The following MAST4 variants were observed in gnomAD, a reference collection of about 807,000 sequenced individuals.
MAST4 encodes microtubule-associated serine/threonine-protein kinase 4.
Under a neutral mutation model 162.7 loss-of-function variants are expected in MAST4, and 89 were observed. That is an observed-to-expected ratio of 0.55 (90% CI 0.46 to 0.65). The LOEUF (loss-of-function observed/expected upper bound fraction) is 0.65, where lower values mean the gene tolerates loss of function less well. Among genes scored for constraint, MAST4 ranks in the 30% least tolerant of loss-of-function variants. MAST4 has a pLI of 0.00. For missense variants in MAST4, 3,153 were observed against 3,374.0 expected (o/e 0.93, Z 1.62); for synonymous variants, 1,479 against 1,361.1 (o/e 1.09, Z -1.91).
intron 1 of MAST4, among the ~76,000 whole-genome samples, chr5:66,628,592 T>A (rs1744599485): frequency 6.6e-6 from 1 of 152,100 alleles, no homozygotes; most frequent in African/African-American, 2.4e-5. Context: ...TTATTTTTTT[T>A]ACCTTCAATC....
Position 67,152,637 on chromosome 5 carries a change from A to G in MAST4, c.3296A>G (p.Asp1099Gly), listed in dbSNP as rs1771973534. 1.9e-6 allele frequency: 3 copies of G among 1,613,208 alleles called. No homozygotes were observed. Among genetic ancestry groups the G allele is most frequent in the African/African-American group, 1.3e-5 (1 of 74,868 alleles). Reference sequence around the variant, plus strand: ...TTGATGACTGGCTTCTTTGTTACAGATATGTTTGCTGTTTCCCCTCTGGGA... The same window carrying G: ...TTGATGACTGGCTTCTTTGTTACAGGTATGTTTGCTGTTTCCCCTCTGGGA... ...ASALSLMIPG[D>G]MFAVSPLGSP... Residue 1099 changes from aspartate to glycine, a missense_variant and splice_region_variant, in exon 25 of 29, where the codon GAT (aspartate) becomes GGT (glycine). By Grantham distance (94) the Asp-to-Gly change is moderately conservative (BLOSUM62 -1). Around this residue, in one of 7 missense-constraint regions of MAST4, gnomAD observed 619 missense variants for 744.2 expected, o/e 0.83. Transcript: ENST00000403625.
chr5:66,972,134 C>G (rs1287767615), intron 4 of MAST4, among the ~76,000 whole-genome samples: 1 of 152,190 alleles, frequency 6.6e-6, no homozygotes, highest in African/African-American at 2.4e-5. Context: ...TTATTAGTGT[C>G]ATACCATTCT....
At chr5:67,023,415 G>A (rs1287546135) in intron 4 of MAST4, among the ~76,000 whole-genome samples, 2 of 152,092 alleles carry the variant, frequency 1.3e-5, no homozygotes, top group African/African-American at 4.8e-5. Context: ...TAATTACATG[G>A]TAGCACATGA....
At chr5:66,847,355 A>G (rs1349482555) in intron 3 of MAST4, among the ~76,000 whole-genome samples, 2 of 152,296 alleles carry the variant, frequency 1.3e-5, no homozygotes, top group East Asian at 3.9e-4. Context: ...TAACAGGGCC[A>G]GGCATGGTGG....
In MAST4 at chr5:66,886,651, G is replaced by T. The variant is rs566959379; in HGVS notation, c.643-13300G>T. On this transcript the variant is annotated intron_variant, in intron 3 of 28. Transcript: ENST00000403625. ...TTCTGTGTAAAAACACATACTTCCT[G>T]TGTAATTCGTTAAGCATGCCAATCC... 1.5e-4 allele frequency among the ~76,000 whole-genome samples: 23 copies of T among 149,300 alleles called. No homozygotes were observed. The South Asian group carries it at 2.4e-3, about 16-fold the overall frequency.
intron 4 of MAST4, among the ~76,000 whole-genome samples, chr5:66,930,026 G>C (rs923842781): frequency 6.6e-6 from 1 of 152,104 alleles, no homozygotes; most frequent in African/African-American, 2.4e-5. Context: ...TCACTATCCT[G>C]TAGATGATAT....
intron 4 of MAST4, among the ~76,000 whole-genome samples, chr5:66,933,638 G>A (rs971683714): frequency 3.3e-5 from 5 of 152,116 alleles, no homozygotes; most frequent in African/African-American, 1.2e-4. Flanking sequence ...TTGTGGTACT[G>A]TGATCTGCCT....
At chr5:66,607,576 T>C (rs76500867) in intron 1 of MAST4, among the ~76,000 whole-genome samples, 3,532 of 152,298 alleles carry the variant, frequency 0.023, 138 homozygotes, top group African/African-American at 0.079. Context: ...TTAACAGTAA[T>C]ATTGGGCTGT....
chr5:66,750,998 A>G (rs189917412), intron 1 of MAST4, among the ~76,000 whole-genome samples: 2,627 of 152,214 alleles, frequency 0.017, 42 homozygotes, highest in South Asian at 0.042. Context: ...CCTGACCCCC[A>G]AGCAGCCTAA....
At chr5:66,600,332 C>G (rs1742473778) in intron 1 of MAST4, among the ~76,000 whole-genome samples, 1 of 152,212 alleles carries the variant, frequency 6.6e-6, no homozygotes, top group South Asian at 2.1e-4. Flanking sequence ...CACTTCATTT[C>G]TGAGAGTTAA....
intron 6 of MAST4, among the ~76,000 whole-genome samples, chr5:67,093,880 G>A (rs1764133783): frequency 1.3e-5 from 2 of 152,130 alleles, no homozygotes; most frequent in Admixed American, 1.3e-4. Flanking sequence ...AATTGGAGGT[G>A]TTTAAAATAT....
chr5:67,061,158 C>CG, intron 5 of MAST4, among the ~76,000 whole-genome samples: 1 of 151,278 alleles, frequency 6.6e-6, no homozygotes, highest in African/African-American at 2.4e-5. Flanking sequence ...TGTATGTACT[C>CG]TGTGTGTGTG....
At chr5:67,155,264 C>T (rs1260761651) in intron 26 of MAST4, among the ~76,000 whole-genome samples, 4 of 152,164 alleles carry the variant, frequency 2.6e-5, no homozygotes, top group South Asian at 2.1e-4. Context: ...TCAGCATCCT[C>T]GATCCATGGA....
chr5:67,164,864 G>T lies in MAST4; in HGVS notation c.5685G>T (p.Glu1895Asp). 6.2e-7 allele frequency: 1 copy of T among 1,614,032 alleles called. No homozygotes were observed. Among genetic ancestry groups the T allele is most frequent in the Non-Finnish European group, 8.5e-7 (1 of 1,179,890 alleles). ...CAGCAGTTTCCCTGCCTGACCCAGA[G>T]TTCAAGAGGGACAGGAAAGGTCCCC... ...NSPAVSLPDP[E>D]FKRDRKGPHP... The change falls in exon 29 of 29, where the codon GAG becomes GAT. Residue 1895 changes from glutamate to aspartate, a missense_variant. Around this residue, in one of 7 missense-constraint regions of MAST4, gnomAD observed 1,644 missense variants for 1,495.0 expected, o/e 1.10. Coordinates refer to ENST00000403625, the MANE Select transcript of MAST4 (RefSeq NM_001164664.2). This position sits in a 1 kb window ranked among gnomAD's most constrained non-coding sequence, Gnocchi z 5.3.
intron 1 of MAST4, among the ~76,000 whole-genome samples, chr5:66,728,422 G>A (rs1049833016): frequency 7.9e-5 from 12 of 152,170 alleles, no homozygotes; most frequent in African/African-American, 2.9e-4. Flanking sequence ...TGCTTAGGGT[G>A]AACAAAGCTG....
intron 4 of MAST4, among the ~76,000 whole-genome samples, chr5:66,946,664 A>G (rs1744064710): frequency 6.6e-6 from 1 of 152,162 alleles, no homozygotes; most frequent in Non-Finnish European, 1.5e-5. Flanking sequence ...TATATGGTGA[A>G]TGTTCCAGGT....
At chr5:67,095,505 T>C in intron 6 of MAST4, 92 bp from the exon 7 acceptor site, 1 of 907,918 alleles carries the variant, frequency 1.1e-6, no homozygotes, top group Non-Finnish European at 1.7e-6. Context: ...TATGTTTGTG[T>C]CATTTGTTTG....
In MAST4 at chr5:66,898,408, G is replaced by C. The variant is rs115725165; in HGVS notation, c.643-1543G>C. The stretch of plus-strand genomic sequence containing the variant: ...TTTCTCAATGCTTATGGTAACCAAA[G>C]ATCCATGTATAGAAAATTACTCATT... On this transcript the variant is annotated intron_variant, in intron 3 of 28. Transcript: ENST00000403625. 1.6e-3 allele frequency among the ~76,000 whole-genome samples: 240 copies of C among 152,272 alleles called. 1 individual carries two copies. The highest frequency in any genetic ancestry group is 5.7e-3 in the African/African-American group (236 of 41,552).
chr5:66,734,225 C>T (rs1004473464), intron 1 of MAST4, among the ~76,000 whole-genome samples: 2 of 152,176 alleles, frequency 1.3e-5, no homozygotes. Flanking sequence ...CTAAAACTCC[C>T]AAATTAGATT....
Sources: gnomAD v4.1 joint callset for allele counts (sites outside exome capture counted in the v4.1 genomes callset) on GRCh38, gnomAD v4.1.1 for gene constraint, gnomAD v4.1.1 regional missense constraint, Gnocchi (gnomAD v3.1) non-coding constraint, MANE v1.5 for transcripts, NCBI Gene and HGNC (gene_info 2026-07-23, HGNC 2026-07-21) for gene names.